Variants in C1QTNF7 observed in about 807,000 individuals in gnomAD.
C1QTNF7 encodes the protein C1q and TNF related 7, also known as complement C1q tumor necrosis factor-related protein 7.
Under a neutral mutation model 19.6 loss-of-function variants are expected in C1QTNF7, and 15 were observed. The observed-to-expected ratio is 0.76, with a 90% CI of 0.51 to 1.18. The LOEUF (loss-of-function observed/expected upper bound fraction) is 1.18. Among genes scored for constraint, C1QTNF7 ranks in the 50% most tolerant of loss-of-function variants. The probability of loss-of-function intolerance (pLI) is 0.00; values close to 1 mark genes in which losing one functional copy is unlikely to be tolerated. For missense variants in C1QTNF7, 324 were observed against 359.7 expected (o/e 0.90, Z 0.80); for synonymous variants, 142 against 137.5 (o/e 1.03, Z -0.23).
intron 1 of C1QTNF7, among the ~76,000 whole-genome samples, chr4:15,378,424 G>A (rs1021619449): frequency 3.9e-5 from 6 of 152,082 alleles, no homozygotes; most frequent in Non-Finnish European, 5.9e-5. Context: ...TGTATGAAAA[G>A]AAGAAAGAAA....
At chr4:15,360,317 C>G (rs1402206181) in intron 1 of C1QTNF7, among the ~76,000 whole-genome samples, 1 of 152,104 alleles carries the variant, frequency 6.6e-6, no homozygotes, top group Non-Finnish European at 1.5e-5. Context: ...AACCATTGCT[C>G]CTAGGGAAAT....
At chr4:15,396,281 A>G (rs1718775305) in intron 1 of C1QTNF7, among the ~76,000 whole-genome samples, 1 of 152,126 alleles carries the variant, frequency 6.6e-6, no homozygotes, top group South Asian at 2.1e-4. Context: ...AACCTCCATC[A>G]GGTTGGAGAT....
chr4:15,380,237 T>C (rs371935513), intron 1 of C1QTNF7, among the ~76,000 whole-genome samples: 23 of 152,328 alleles, frequency 1.5e-4, no homozygotes, highest in African/African-American at 2.4e-4. Flanking sequence ...GCTAGGATTG[T>C]ATTTGTAAGT....
chr4:15,391,449 T>C (rs1292232426), intron 1 of C1QTNF7, among the ~76,000 whole-genome samples: 1 of 151,954 alleles, frequency 6.6e-6, no homozygotes, highest in Non-Finnish European at 1.5e-5. Flanking sequence ...GAAGAAAAGG[T>C]CTCCAAAGGA....
chr4:15,407,389 C>T (rs1466538899), intron 1 of C1QTNF7, among the ~76,000 whole-genome samples: 1 of 152,202 alleles, frequency 6.6e-6, no homozygotes, highest in African/African-American at 2.4e-5. Context: ...GGCTCAGAGA[C>T]TTGTCTAATA....
At chr4:15,421,733 A>G (rs1002820263) in intron 1 of C1QTNF7, among the ~76,000 whole-genome samples, 2 of 152,156 alleles carry the variant, frequency 1.3e-5, no homozygotes, top group Admixed American at 6.5e-5. Context: ...CACCTGTAAT[A>G]AGGAGATAAT....
chr4:15,359,776 T>G (rs1717272814), intron 1 of C1QTNF7, among the ~76,000 whole-genome samples: 1 of 152,108 alleles, frequency 6.6e-6, no homozygotes, highest in South Asian at 2.1e-4. Flanking sequence ...ACCCCCAGAT[T>G]TTCAGGAGTG....
chr4:15,374,779 C>G lies in C1QTNF7; in HGVS notation c.13+34572C>G, dbSNP rs910154825. The stretch of plus-strand genomic sequence containing the variant: ...AGGTCTTGTGAGCAATGTAAGTAAA[C>G]AGCCCTCTCTCCATTGATAAACGTC... On this transcript the variant is annotated intron_variant, in intron 1 of 2. Coordinates refer to the C1QTNF7 transcript ENST00000295297. The G allele has an allele frequency of 6.3e-6, 6 of 958,338 alleles. No homozygotes were observed. The South Asian group carries it at 2.0e-4, about 31-fold the overall frequency. 59.4% of individuals were successfully genotyped at this position (958,338 alleles called of 1,614,324 possible).
chr4:15,394,668 C>T (rs886278259), intron 1 of C1QTNF7, among the ~76,000 whole-genome samples: 1 of 151,828 alleles, frequency 6.6e-6, no homozygotes, highest in Admixed American at 6.6e-5. Context: ...TTACGACAAA[C>T]ATATTTTTTA....
chr4:15,347,893 T>C (rs1461410221), intron 1 of C1QTNF7, among the ~76,000 whole-genome samples: 1 of 152,216 alleles, frequency 6.6e-6, no homozygotes, highest in Non-Finnish European at 1.5e-5. Flanking sequence ...AGGCCTGTTT[T>C]AGTTCATAGT....
rs1237663333 is a variant in C1QTNF7, at chr4:15,422,227, A to T, written c.14-13509A>T. Among the ~76,000 whole-genome samples, 3 of 149,710 alleles carry T rather than the reference A, an allele frequency of 2.0e-5. No individual in the cohort carries two copies. In the East Asian group the frequency reaches 5.8e-4, roughly 29 times the overall value. ...TTTTTTTTTAAAAAAAAAAAAAAGG[A>T]TATTGCACAGATATGACAGCAAAGG... On this transcript the variant is annotated intron_variant, in intron 1 of 2. Transcript: ENST00000295297.
upstream of C1QTNF7, among the ~76,000 whole-genome samples, chr4:15,425,316 G>A (rs371853136): frequency 1.3e-5 from 2 of 152,126 alleles, no homozygotes; most frequent in African/African-American, 2.4e-5. Context: ...TCCAAATTAC[G>A]TGCTAGAAGG....
intron 1 of C1QTNF7, among the ~76,000 whole-genome samples, chr4:15,387,900 T>C (rs1718400010): frequency 6.6e-6 from 1 of 152,088 alleles, no homozygotes; most frequent in Non-Finnish European, 1.5e-5. Flanking sequence ...GAGAAGGAAA[T>C]GTATGCAGGA....
At chr4:15,384,749 C>G (rs1212500648) in intron 1 of C1QTNF7, among the ~76,000 whole-genome samples, 1 of 152,204 alleles carries the variant, frequency 6.6e-6, no homozygotes, top group Non-Finnish European at 1.5e-5. Flanking sequence ...CTCTTATCTC[C>G]AAATGTTTCC....
chr4:15,439,434 G>C (rs947937675), intron 2 of C1QTNF7, among the ~76,000 whole-genome samples: 3 of 152,164 alleles, frequency 2.0e-5, no homozygotes, highest in African/African-American at 7.2e-5. Context: ...CAAGGATTGG[G>C]AAACTAAAGC....
At chr4:15,374,573 G>GC in intron 1 of C1QTNF7, 2 of 985,340 alleles carry the variant, frequency 2.0e-6, no homozygotes, top group African/African-American at 3.5e-5. Flanking sequence ...GTCCTTGCCC[G>GC]CTCCCTCTCT....
rs531603197 is a variant in C1QTNF7, at chr4:15,412,208, T to C, written c.14-23528T>C. Among the ~76,000 whole-genome samples, 72 of 152,294 alleles carry C rather than the reference T, an allele frequency of 4.7e-4. 1 individual carries two copies. Among genetic ancestry groups the C allele is most frequent in the African/African-American group, 1.7e-3 (70 of 41,548 alleles). ...ATAAGTTCAGGGCTCCCACTGATTC[T>C]ACCTTATCATGAGTTGTATAATTAT... On this transcript the variant is annotated intron_variant, in intron 1 of 2. Coordinates refer to the C1QTNF7 transcript ENST00000295297.
intron 1 of C1QTNF7, among the ~76,000 whole-genome samples, chr4:15,350,811 G>A (rs902365307): frequency 3.3e-5 from 5 of 152,156 alleles, no homozygotes; most frequent in Non-Finnish European, 5.9e-5. Context: ...AGCTGCCCCG[G>A]AGAAAGAAAA....
chr4:15,419,094 G>A (rs1711610587), intron 1 of C1QTNF7, among the ~76,000 whole-genome samples: 1 of 152,196 alleles, frequency 6.6e-6, no homozygotes, highest in African/African-American at 2.4e-5. Flanking sequence ...GGCTGTGGGG[G>A]AACTTACATT....
Sources: allele counts gnomAD v4.1 joint callset (sites outside exome capture counted in the v4.1 genomes callset), GRCh38; gene constraint gnomAD v4.1.1; transcripts MANE v1.5; gene names NCBI Gene and HGNC (gene_info 2026-07-23, HGNC 2026-07-21).